The following CHST3 variants were observed in gnomAD, a reference collection of about 807,000 sequenced individuals.
CHST3 encodes carbohydrate sulfotransferase 3.
In CHST3, 20 loss-of-function variants were observed where a neutral mutation model predicts 35.4. The observed-to-expected ratio is 0.57, with a 90% CI of 0.40 to 0.82. CHST3 has a LOEUF of 0.82. Ranked by LOEUF, CHST3 falls within the 40% of genes least tolerant of loss-of-function variation. CHST3 has a pLI of 0.00. For missense variants in CHST3, 693 were observed against 670.1 expected, an observed-to-expected ratio of 1.03 and a Z score of -0.38; for synonymous variants, 334 against 295.9, an observed-to-expected ratio of 1.13 and a Z score of -1.32.
At chr10:71,998,042 G>A (rs1174013101) in intron 1 of CHST3, among the ~76,000 whole-genome samples, 1 of 152,204 alleles carries the variant, frequency 6.6e-6, no homozygotes, top group African/African-American at 2.4e-5. Flanking sequence ...GGGAAGCTGA[G>A]GTGGGAGGAT....
At chr10:71,989,943 A>G (rs1481384279) in intron 1 of CHST3, among the ~76,000 whole-genome samples, 3 of 152,192 alleles carry the variant, frequency 2.0e-5, no homozygotes, top group African/African-American at 4.8e-5. Flanking sequence ...AGAGTATTGC[A>G]CTGATAAATG....
chr10:71,975,379 C>T (rs770297920), intron 1 of CHST3, among the ~76,000 whole-genome samples: 3 of 152,234 alleles, frequency 2.0e-5, no homozygotes, highest in Non-Finnish European at 4.4e-5. Flanking sequence ...CTCTGCCATC[C>T]GGCCACAAAT....
chr10:72,005,111 T>G (rs1312344818), intron 1 of CHST3, among the ~76,000 whole-genome samples: 2 of 152,320 alleles, frequency 1.3e-5, no homozygotes, highest in Non-Finnish European at 2.9e-5. Context: ...GGCAACATAG[T>G]GAGACCCTGT....
In CHST3 at chr10:71,971,798, G is replaced by A. The variant is rs991619719; in HGVS notation, c.-108+7104G>A. Among the ~76,000 whole-genome samples, 17 of 152,246 alleles carry A rather than the reference G, an allele frequency of 1.1e-4. No individual in the cohort carries two copies. In the South Asian group the frequency reaches 1.3e-3, roughly 11 times the overall value. ...ACTTCCAGGGGCTTGTTAGAGACACGGAGAGAAGCTGAGGGCCTGTCCTGC... is the reference window on the plus strand; with the variant it reads ...ACTTCCAGGGGCTTGTTAGAGACACAGAGAGAAGCTGAGGGCCTGTCCTGC... On this transcript the variant is annotated intron_variant, in intron 1 of 2. Transcript: ENST00000373115.
intron 1 of CHST3, among the ~76,000 whole-genome samples, chr10:71,982,971 G>T (rs1839815103): frequency 6.6e-6 from 1 of 152,196 alleles, no homozygotes; most frequent in South Asian, 2.1e-4. Flanking sequence ...TCACCACACT[G>T]CCCCCTCTTG....
Position 72,005,947 on chromosome 10 carries a change from T to G in CHST3, c.105T>G (p.Phe35Leu). Reference protein sequence around the residue: ...ALFLVFVVIVFVFIEKENKII... With the variant: ...ALFLVFVVIVLVFIEKENKII... ...TCTTGGTTTTTGTGGTGATAGTTTT[T>G]GTCTTCATCGAAAAGGAAAATAAAA... is the stretch of plus-strand genomic sequence containing the variant. The change falls in exon 2 of 3, where the codon TTT becomes TTG. Residue 35 changes from phenylalanine (F) to leucine (L), a missense_variant. Coordinates refer to ENST00000373115, the MANE Select transcript of CHST3 (RefSeq NM_004273.5). 6.2e-7 allele frequency: 1 copy of G among 1,614,198 alleles called. No individual in the cohort carries two copies. The highest frequency in any genetic ancestry group is 8.5e-7 in the Non-Finnish European group (1 of 1,180,020).
At chr10:71,975,879 G>A (rs1407258203) in intron 1 of CHST3, among the ~76,000 whole-genome samples, 4 of 152,272 alleles carry the variant, frequency 2.6e-5, no homozygotes, top group African/African-American at 9.6e-5. Flanking sequence ...CAAGGGAAGC[G>A]TGATTATCCT....
chr10:72,007,067 C>T (rs1840045614), intron 2 of CHST3, 105 bp from the exon 3 acceptor site: 2 of 1,325,882 alleles, frequency 1.5e-6, no homozygotes, highest in South Asian at 2.5e-5. Flanking sequence ...TTGGGGAAAC[C>T]CAACTGAGAC....
intron 1 of CHST3, among the ~76,000 whole-genome samples, chr10:71,996,882 G>A (rs772371366): frequency 1.2e-4 from 19 of 152,020 alleles, no homozygotes; most frequent in Non-Finnish European, 2.2e-4. Context: ...ATTGCTGGGG[G>A]TATTTTCCTG....
chr10:71,988,719 C>T (rs1839871724), intron 1 of CHST3, among the ~76,000 whole-genome samples: 1 of 152,148 alleles, frequency 6.6e-6, no homozygotes, highest in South Asian at 2.1e-4. Context: ...CAAAAACAGC[C>T]TAATACACCC....
In CHST3 at chr10:72,005,953, C is replaced by G; in HGVS notation, c.111C>G (p.Phe37Leu). The change falls in exon 2 of 3, where the codon TTC (phenylalanine) becomes TTG (leucine). Residue 37 changes from phenylalanine (F) to leucine (L), a missense_variant. Transcript: ENST00000373115. ...TTTTTGTGGTGATAGTTTTTGTCTT[C>G]ATCGAAAAGGAAAATAAAATCATAT... is the stretch of plus-strand genomic sequence containing the variant. The part of the protein sequence containing the change: ...FLVFVVIVFV[F>L]IEKENKIISR... 4 of 1,590,234 alleles carry G rather than the reference C, an allele frequency of 2.5e-6. No homozygotes were observed. Among genetic ancestry groups the G allele is most frequent in the Non-Finnish European group, 3.4e-6 (4 of 1,165,224 alleles).
chr10:71,993,174 C>T (rs1013263594), intron 1 of CHST3, among the ~76,000 whole-genome samples: 10 of 152,048 alleles, frequency 6.6e-5, no homozygotes, highest in African/African-American at 2.2e-4. Context: ...TCCAGTGTGG[C>T]CCAGGAAAGC....
rs116545697 is a variant in CHST3, at chr10:71,998,598, G to T, written c.-107-7138G>T. On this transcript the variant is annotated intron_variant, in intron 1 of 2. Coordinates refer to ENST00000373115, the MANE Select transcript of CHST3 (RefSeq NM_004273.5). ...CCACAGCCCCACTCAGGCATAAAGGGCCGAGGGGCAGCCAGGCCTGTCCTG... is the reference window on the plus strand; with the variant it reads ...CCACAGCCCCACTCAGGCATAAAGGTCCGAGGGGCAGCCAGGCCTGTCCTG... Among the ~76,000 whole-genome samples the T allele has an allele frequency of 2.6e-3, 395 of 152,382 alleles. 4 individuals carry two copies. Among genetic ancestry groups the T allele is most frequent in the African/African-American group, 9.2e-3 (383 of 41,602 alleles).
rs572248947 is a variant in CHST3, at chr10:71,970,485, C to T, written c.-108+5791C>T. On this transcript the variant is annotated intron_variant, in intron 1 of 2. Transcript: ENST00000373115. ...TATTTGGCCTCTGTGGTTACACCTGCCCCCTCCCCGCCCAGTCCCTCCTCC... is the reference window on the plus strand; with the variant it reads ...TATTTGGCCTCTGTGGTTACACCTGTCCCCTCCCCGCCCAGTCCCTCCTCC... Among the ~76,000 whole-genome samples the T allele has an allele frequency of 2.0e-5, 3 of 152,296 alleles. No individual in the cohort carries two copies. In the South Asian group the frequency reaches 6.2e-4, roughly 32 times the overall value.
At chr10:71,981,575 A>G (rs1839802050) in intron 1 of CHST3, among the ~76,000 whole-genome samples, 1 of 152,176 alleles carries the variant, frequency 6.6e-6, no homozygotes, top group Admixed American at 6.5e-5. Context: ...TCTGGGTGTG[A>G]GGTTGATTCA....
intron 1 of CHST3, among the ~76,000 whole-genome samples, chr10:71,967,579 G>A (rs963036449): frequency 7.9e-5 from 12 of 152,172 alleles, no homozygotes. Context: ...TACCGTTGAT[G>A]GGCATTTAGG....
At chr10:71,995,776 C>A (rs2131760313) in intron 1 of CHST3, among the ~76,000 whole-genome samples, 1 of 152,162 alleles carries the variant, frequency 6.6e-6, no homozygotes, top group Middle Eastern at 3.4e-3. Flanking sequence ...GTTTGTGGCA[C>A]CCCAAAACAC....
chr10:72,009,946 G>T lies in CHST3; in HGVS notation c.*1475G>T. The T allele has an allele frequency of 6.5e-6, 1 of 153,284 alleles. No homozygotes were observed. The allele number at this position is 153,284 out of a possible 1,614,324, so 9.5% of individuals were successfully genotyped here. On this transcript the variant is annotated 3_prime_UTR_variant, in exon 3 of 3. Transcript: ENST00000373115. Reference sequence around the variant, plus strand: ...CAGGGAGCACTTGGCTCCTGGCAGAGGGAGAGGACAGGAGGAGGAGCCTTC... The same window carrying T: ...CAGGGAGCACTTGGCTCCTGGCAGATGGAGAGGACAGGAGGAGGAGCCTTC...
intron 1 of CHST3, among the ~76,000 whole-genome samples, chr10:71,996,425 A>AC (rs145840295): frequency 0.14 from 19,021 of 135,336 alleles, 2,940 homozygotes; most frequent in African/African-American, 0.4. Context: ...CTCTCTACCA[A>AC]CCCCCCCCCA....
Sources: allele counts gnomAD v4.1 joint callset (sites outside exome capture counted in the v4.1 genomes callset), GRCh38; gene constraint gnomAD v4.1.1; transcripts MANE v1.5; gene names NCBI Gene and HGNC (gene_info 2026-07-23, HGNC 2026-07-21).